Variants in STXBP3 observed in about 807,000 individuals in gnomAD.
STXBP3 encodes the protein syntaxin binding protein 3.
A neutral mutation model predicts 85.7 loss-of-function variants in STXBP3; 41 were observed. The ratio of observed to expected loss-of-function variants is 0.48; its 90% CI spans 0.37 to 0.62. STXBP3 has a LOEUF of 0.62. Among genes scored for constraint, STXBP3 ranks in the 20% least tolerant of loss-of-function variants. STXBP3 has a pLI of 0.00. For missense variants in STXBP3, 563 were observed against 703.1 expected, an observed-to-expected ratio of 0.80 and a Z score of 2.25; for synonymous variants, 229 against 231.7, an observed-to-expected ratio of 0.99 and a Z score of 0.10.
At chr1:108,767,042 A>G in intron 6 of STXBP3, 1 of 436,804 alleles carries the variant, frequency 2.3e-6, no homozygotes. Context: ...CACAGTCCAC[A>G]GGTTGTACTC....
In STXBP3 at chr1:108,796,626, C is replaced by T. The variant is rs143989544; in HGVS notation, c.1256C>T (p.Thr419Met). Reference sequence around the variant, plus strand: ...ATATTTTTACCTATTTAAGGAACTACGGAAGAAAATTTGGACAGGTTGATC... The same window carrying T: ...ATATTTTTACCTATTTAAGGAACTATGGAAGAAAATTTGGACAGGTTGATC... ...LLYIFSINGT[T>M]EENLDRLIQN... Residue 419 changes from threonine (T) to methionine (M), a missense_variant, in exon 15 of 19, where the codon ACG (threonine) becomes ATG (methionine). Physicochemically the swap from Thr to Met is moderately conservative, Grantham distance 81. Transcript: ENST00000370008. 19 of 1,611,272 alleles carry T rather than the reference C, an allele frequency of 1.2e-5. No homozygotes were observed. The highest frequency in any genetic ancestry group is 2.7e-5 in the African/African-American group (2 of 74,706).
intron 1 of STXBP3, among the ~76,000 whole-genome samples, chr1:108,747,033 G>T (rs1350103116): frequency 1.4e-5 from 2 of 144,824 alleles, no homozygotes; most frequent in Non-Finnish European, 3.1e-5. Context: ...CCTCGGCCGC[G>T]CTCTGGCCGC....
At chr1:108,770,742 C>T (rs945324525) in intron 6 of STXBP3, among the ~76,000 whole-genome samples, 3 of 148,102 alleles carry the variant, frequency 2.0e-5, no homozygotes, top group Non-Finnish European at 4.5e-5. Flanking sequence ...TTTAGTTTAA[C>T]GGGGAACTCT....
intron 6 of STXBP3, among the ~76,000 whole-genome samples, chr1:108,766,188 ATTTG>A (rs1662260908): frequency 1.3e-5 from 2 of 151,722 alleles, no homozygotes; most frequent in African/African-American, 4.8e-5. Flanking sequence ...GGAGAAATCT[ATTTG>A]TTATGTACAC....
chr1:108,780,315 A>C (rs1662688854), intron 9 of STXBP3: 1 of 152,058 alleles, frequency 6.6e-6, no homozygotes, highest in Admixed American at 6.6e-5. Flanking sequence ...AATGTTAGAT[A>C]ACATAGCTAT....
intron 15 of STXBP3, 78 bp downstream of exon 15, chr1:108,796,804 TATGTGGACAG>T: frequency 1.1e-6 from 1 of 939,804 alleles, no homozygotes; most frequent in Non-Finnish European, 1.5e-6. Context: ...TTTTTTTTTT[TATGTGGACAG>T]TCTTCTTAAG....
intron 9 of STXBP3, 87 bp downstream of exon 9, chr1:108,779,497 C>A: frequency 3.0e-6 from 4 of 1,342,442 alleles, no homozygotes; most frequent in Non-Finnish European, 4.0e-6. Flanking sequence ...CACCAGAAAT[C>A]TGAAAGCCCC....
At position 108,798,323 on chromosome 1, in the gene STXBP3, T is replaced by C. The variant is rs530436600; in HGVS notation, c.1449+86T>C. 5.0e-4 allele frequency: 537 copies of C among 1,081,850 alleles called. 1 individual carries two copies. The African/African-American group carries it at 7.7e-3, about 15-fold the overall frequency. 67.0% of individuals were successfully genotyped at this position (1,081,850 alleles called of 1,614,324 possible). A position where few individuals can be genotyped will look rare whatever the true frequency, so the allele number is the denominator to read the frequency against. On this transcript the variant is annotated intron_variant, in intron 16 of 18. Transcript: ENST00000370008. ...TTTGTAGTTTATGTCAGTCTGAGTA[T>C]ATGTATTGGGCAGGAAGTTTCTGCA...
chr1:108,799,736 C>T (rs1300640211), intron 16 of STXBP3, among the ~76,000 whole-genome samples: 1 of 151,900 alleles, frequency 6.6e-6, no homozygotes, highest in East Asian at 1.9e-4. Context: ...TCTATGTATA[C>T]AGTATATTTA....
At chr1:108,785,848 T>C (rs1662815012) in intron 11 of STXBP3, among the ~76,000 whole-genome samples, 2 of 152,228 alleles carry the variant, frequency 1.3e-5, no homozygotes, top group African/African-American at 2.4e-5. Flanking sequence ...ACCTTTGCTC[T>C]AGTTCCCAAG....
chr1:108,765,395 T>C (rs1662238383), intron 6 of STXBP3, among the ~76,000 whole-genome samples: 1 of 152,150 alleles, frequency 6.6e-6, no homozygotes, highest in Non-Finnish European at 1.5e-5. Context: ...AAAATAATTT[T>C]TGGTGCCATG....
At chr1:108,770,981 C>T (rs1326341199) in intron 6 of STXBP3, among the ~76,000 whole-genome samples, 1 of 152,008 alleles carries the variant, frequency 6.6e-6, no homozygotes, top group Non-Finnish European at 1.5e-5. Flanking sequence ...GAACGGAAGA[C>T]ATGTATCAAC....
chr1:108,789,946 G>A lies in STXBP3; in HGVS notation c.964-3636G>A, dbSNP rs373558050. Reference sequence around the variant, plus strand: ...CCATGTGTGATGGCACACACCTGTGGCTCCAGCTACTCAGGAGGCTGGGCA... The same window carrying A: ...CCATGTGTGATGGCACACACCTGTGACTCCAGCTACTCAGGAGGCTGGGCA... On this transcript the variant is annotated intron_variant, in intron 11 of 18. Transcript: ENST00000370008. Among the ~76,000 whole-genome samples, 12 of 147,048 alleles carry A rather than the reference G, an allele frequency of 8.2e-5. No homozygotes were observed. In the South Asian group the frequency reaches 1.9e-3, roughly 24 times the overall value.
At chr1:108,766,936 G>A in intron 6 of STXBP3, 1 of 536,246 alleles carries the variant, frequency 1.9e-6, no homozygotes, top group Non-Finnish European at 3.8e-6. Context: ...GAGGACTTCA[G>A]TGGCACTATT....
chr1:108,779,489 C>T lies in STXBP3; in HGVS notation c.809+79C>T, dbSNP rs1662669979. 3.6e-6 allele frequency: 5 copies of T among 1,393,214 alleles called. No homozygotes were observed. The South Asian group carries it at 7.3e-5, about 20-fold the overall frequency. 86.3% of individuals were successfully genotyped at this position (1,393,214 alleles called of 1,614,324 possible). A position where few individuals can be genotyped will look rare whatever the true frequency, so the allele number is the denominator to read the frequency against. On this transcript the variant is annotated intron_variant, in intron 9 of 18. Coordinates refer to ENST00000370008, the MANE Select transcript of STXBP3 (RefSeq NM_007269.4). ...GAGCATTTAATGATTTATATAGGCA[C>T]CAGAAATCTGAAAGCCCCTATAACC...
Position 108,758,357 on chromosome 1 carries a change from CATAGCATCTTAAA to C in STXBP3, c.259-151_259-139del, listed in dbSNP as rs1477200602. ...TTATTAGCTATCACTGGCTGGAGAA[CATAGCATCTTAAA>C]AAATCAGTTTATAAATTAAACTTTT... is the stretch of plus-strand genomic sequence containing the variant. On this transcript the variant is annotated intron_variant, in intron 4 of 18. Transcript: ENST00000370008. Among the ~76,000 whole-genome samples the C allele has an allele frequency of 4.0e-5, 6 of 150,936 alleles. No homozygotes were observed. In the East Asian group the frequency reaches 1.2e-3, roughly 29 times the overall value.
intron 11 of STXBP3, among the ~76,000 whole-genome samples, chr1:108,787,066 G>T (rs754756): frequency 0.26 from 39,109 of 151,920 alleles, 5,430 homozygotes; most frequent in African/African-American, 0.33. Context: ...TATATAAAAT[G>T]TGATTGATTT....
At chr1:108,779,135 CAATT>C (rs996257043) in intron 8 of STXBP3, 147 bp from the exon 9 acceptor site, 4 of 764,882 alleles carry the variant, frequency 5.2e-6, no homozygotes, top group Admixed American at 5.8e-5. Flanking sequence ...ATTCTTAAGA[CAATT>C]AACCATTTGT....
intron 11 of STXBP3, among the ~76,000 whole-genome samples, chr1:108,787,575 C>A (rs1662886004): frequency 1.3e-5 from 2 of 152,020 alleles, no homozygotes; most frequent in African/African-American, 2.4e-5. Flanking sequence ...GTTAATACCT[C>A]CTGGTTCTGG....
Sources: allele counts gnomAD v4.1 joint callset (sites outside exome capture counted in the v4.1 genomes callset), GRCh38; gene constraint gnomAD v4.1.1; transcripts MANE v1.5; gene names NCBI Gene and HGNC (gene_info 2026-07-23, HGNC 2026-07-21).